B4GALNT3: variants seen among roughly 807,000 people sequenced by gnomAD.
B4GALNT3 encodes beta-1,4-N-acetylgalactosaminyltransferase 3.
Under a neutral mutation model 120.2 loss-of-function variants are expected in B4GALNT3, and 86 were observed. The ratio of observed to expected loss-of-function variants is 0.72; its 90% CI spans 0.60 to 0.86. B4GALNT3 has a LOEUF of 0.86. B4GALNT3 is among the 40% of genes least tolerant of loss of function. The probability of loss-of-function intolerance (pLI) is 0.00; values close to 1 mark genes in which losing one functional copy is unlikely to be tolerated. For missense variants in B4GALNT3, 1,167 were observed against 1,298.9 expected (o/e 0.90, Z 1.56); for synonymous variants, 518 against 510.4 (o/e 1.01, Z -0.20).
In B4GALNT3 at chr12:546,633, T is replaced by C. The variant is rs1181207563; in HGVS notation, c.640-13T>C. 16 of 1,550,780 alleles carry C rather than the reference T, an allele frequency of 1.0e-5. No homozygotes were observed. The highest frequency in any genetic ancestry group is 1.7e-4 in the Middle Eastern group (1 of 6,008). ...TCTGTTCCTCCCTCCTCTTCTCTCT[T>C]CCACACCTCTAGACTGGAAAGGAGT... On this transcript the variant is annotated splice_polypyrimidine_tract_variant and intron_variant, in intron 6 of 19. Coordinates refer to ENST00000266383, the MANE Select transcript of B4GALNT3 (RefSeq NM_173593.4).
chr12:523,309 C>T (rs993806426), intron 1 of B4GALNT3, among the ~76,000 whole-genome samples: 1 of 152,244 alleles, frequency 6.6e-6, no homozygotes, highest in African/African-American at 2.4e-5. Context: ...ATTCACTCCA[C>T]ATGCATCAAA....
intron 4 of B4GALNT3, 58 bp from the exon 5 acceptor site, chr12:544,824 C>T (rs1007088413): frequency 9.0e-6 from 14 of 1,551,286 alleles, no homozygotes; most frequent in African/African-American, 5.5e-5. Flanking sequence ...CCAATCCTGG[C>T]GGGAAGTTTC....
At position 553,483 on chromosome 12, in the gene B4GALNT3, TGAGCCCAGCCAA is replaced by T; in HGVS notation, c.1563_1574del (p.Glu521_Gln524del). On this transcript the variant is annotated inframe_deletion, in exon 14 of 20. Coordinates refer to ENST00000266383, the MANE Select transcript of B4GALNT3 (RefSeq NM_173593.4). ...AGAAGAGGAAGCAAAAACCCAGCCC[TGAGCCCAGCCAA>T]GATTCACCTCATTCCGACAAGTGGC... is the stretch of plus-strand genomic sequence containing the variant. The T allele has an allele frequency of 6.2e-7, 1 of 1,614,166 alleles. No individual in the cohort carries two copies. Among genetic ancestry groups the T allele is most frequent in the Non-Finnish European group, 8.5e-7 (1 of 1,180,038 alleles).
chr12:515,938 C>A (rs2120604812), intron 1 of B4GALNT3, among the ~76,000 whole-genome samples: 1 of 152,092 alleles, frequency 6.6e-6, no homozygotes, highest in South Asian at 2.1e-4. Context: ...GAGATCGAGA[C>A]CATCCTGGCT....
rs940063551 is a variant in B4GALNT3 at position 562,571 on chromosome 12, G to A, written c.*1120G>A. 6.6e-6 allele frequency: 1 copy of A among 152,076 alleles called. No homozygotes were observed. Among genetic ancestry groups the A allele is most frequent in the African/African-American group, 2.4e-5 (1 of 41,224 alleles). 9.4% of individuals were successfully genotyped at this position (152,076 alleles called of 1,614,324 possible). A position where few individuals can be genotyped will look rare whatever the true frequency, so the allele number is the denominator to read the frequency against. ...GGGATGAGAGGTTTGGGGAGGTGAG[G>A]ACATTGCCCTGAGATATCCCCTGGA... On this transcript the variant is annotated 3_prime_UTR_variant, in exon 20 of 20. Transcript: ENST00000266383. This position sits in a 1 kb window ranked among gnomAD's most constrained non-coding sequence, Gnocchi z 5.2.
At chr12:511,831 CACCTTCT>C (rs1414961773) in intron 1 of B4GALNT3, among the ~76,000 whole-genome samples, 2 of 73,738 alleles carry the variant, frequency 2.7e-5, no homozygotes, top group African/African-American at 1.0e-4. Flanking sequence ...TTCCACCTTC[CACCTTCT>C]TCCACCTTCC....
At chr12:513,322 T>C (rs1212081018) in intron 1 of B4GALNT3, among the ~76,000 whole-genome samples, 1 of 152,262 alleles carries the variant, frequency 6.6e-6, no homozygotes, top group East Asian at 1.9e-4. Context: ...ACAATGACTA[T>C]TCCACAAGCA....
intron 1 of B4GALNT3, among the ~76,000 whole-genome samples, chr12:473,398 C>T (rs73590347): frequency 0.02 from 2,979 of 152,052 alleles, 79 homozygotes; most frequent in South Asian, 0.095. Flanking sequence ...GGGTGGTGAG[C>T]GCCTAGCCGG....
At chr12:554,030 G>A (rs767227550) in intron 14 of B4GALNT3, 47 bp downstream of exon 14, 14 of 1,377,102 alleles carry the variant, frequency 1.0e-5, no homozygotes, top group African/African-American at 1.4e-5. Flanking sequence ...GCACGTGGCA[G>A]CCAGCTGGCC....
intron 1 of B4GALNT3, among the ~76,000 whole-genome samples, chr12:464,045 G>T (rs1470619897): frequency 6.6e-6 from 1 of 152,228 alleles, no homozygotes; most frequent in South Asian, 2.1e-4. Flanking sequence ...GAGTCCCCTT[G>T]TTGAGCCCAA....
At chr12:471,228 T>C (rs1010351821) in intron 1 of B4GALNT3, among the ~76,000 whole-genome samples, 5 of 148,460 alleles carry the variant, frequency 3.4e-5, no homozygotes, top group Non-Finnish European at 7.4e-5. Flanking sequence ...CTACTAAAAA[T>C]ACAAAAATTA....
chr12:545,267 A>G lies in B4GALNT3; in HGVS notation c.539-102A>G, dbSNP rs893128419. The G allele has an allele frequency of 4.6e-5, 69 of 1,497,130 alleles. No individual in the cohort carries two copies. In the African/African-American group the frequency reaches 7.6e-4, roughly 17 times the overall value. 92.7% of individuals were successfully genotyped at this position (1,497,130 alleles called of 1,614,324 possible). ...TTACAGAGAGGGAAGCCACAGCATC[A>G]AGCACTGAAGGGAATTTAATCGCTA... On this transcript the variant is annotated intron_variant, in intron 5 of 19. Coordinates refer to ENST00000266383, the MANE Select transcript of B4GALNT3 (RefSeq NM_173593.4).
At chr12:538,287 T>G (rs1449360598) in intron 3 of B4GALNT3, among the ~76,000 whole-genome samples, 2 of 152,148 alleles carry the variant, frequency 1.3e-5, no homozygotes, top group African/African-American at 4.8e-5. Context: ...CTGGGCTTGG[T>G]GGCTCAAGCC....
chr12:519,760 A>G (rs542898153), intron 1 of B4GALNT3, among the ~76,000 whole-genome samples: 1 of 152,114 alleles, frequency 6.6e-6, no homozygotes, highest in Non-Finnish European at 1.5e-5. Flanking sequence ...CAGGGACACA[A>G]ATTTAGGTTG....
At position 558,420 on chromosome 12, in the gene B4GALNT3, G is replaced by A. The variant is rs532789614; in HGVS notation, c.2608-88G>A. The A allele has an allele frequency of 3.9e-6, 5 of 1,285,408 alleles. No homozygotes were observed. The African/African-American group carries it at 5.9e-5, about 15-fold the overall frequency. 79.6% of individuals were successfully genotyped at this position (1,285,408 alleles called of 1,614,324 possible). On this transcript the variant is annotated intron_variant, in intron 17 of 19. Coordinates refer to ENST00000266383, the MANE Select transcript of B4GALNT3 (RefSeq NM_173593.4). Reference sequence around the variant, plus strand: ...GGAGTTTGTGAATCACTCCAATAGGGAAGACTCCGAGGCTTCTCCTAGACG... The same window carrying A: ...GGAGTTTGTGAATCACTCCAATAGGAAAGACTCCGAGGCTTCTCCTAGACG...
At chr12:519,609 T>TTC (rs1419401513) in intron 1 of B4GALNT3, among the ~76,000 whole-genome samples, 2 of 146,984 alleles carry the variant, frequency 1.4e-5, no homozygotes, top group African/African-American at 5.0e-5. Context: ...TTTTTTTTTT[T>TTC]TTTTCCGGTA....
intron 1 of B4GALNT3, among the ~76,000 whole-genome samples, chr12:472,639 G>A (rs1038358252): frequency 6.6e-6 from 1 of 152,184 alleles, no homozygotes; most frequent in Admixed American, 6.5e-5. Flanking sequence ...GGGTCTCACA[G>A]TGTTAGCCAG....
chr12:480,691 G>A (rs1486576386), intron 1 of B4GALNT3, among the ~76,000 whole-genome samples: 2 of 124,236 alleles, frequency 1.6e-5, no homozygotes, highest in Non-Finnish European at 3.5e-5. Context: ...GACCGCGGCT[G>A]TCCTCACCCC....
At position 550,816 on chromosome 12, in the gene B4GALNT3, C is replaced by T. The variant is rs779066437; in HGVS notation, c.998-106C>T. On this transcript the variant is annotated intron_variant, in intron 10 of 19. Transcript: ENST00000266383. This position sits in a 1 kb window ranked among gnomAD's most constrained non-coding sequence, Gnocchi z 4.1. ...CTCAGCCACAGACGTCGGCAGAACA[C>T]AGCTGCCGCTTGCGAATACAGAAAG... 8 of 921,470 alleles carry T rather than the reference C, an allele frequency of 8.7e-6. No individual in the cohort carries two copies. The highest frequency in any genetic ancestry group is 3.3e-5 in the African/African-American group (2 of 60,206). The allele number at this position is 921,470 out of a possible 1,614,324, so 57.1% of individuals were successfully genotyped here. A position where few individuals can be genotyped will look rare whatever the true frequency, so the allele number is the denominator to read the frequency against.
Sources: allele counts gnomAD v4.1 joint callset (sites outside exome capture counted in the v4.1 genomes callset), GRCh38; gene constraint gnomAD v4.1.1; non-coding constraint Gnocchi (gnomAD v3.1); transcripts MANE v1.5; gene names NCBI Gene and HGNC (gene_info 2026-07-23, HGNC 2026-07-21).